IQCH: variants seen among roughly 807,000 people sequenced by gnomAD.
IQCH encodes IQ motif containing H, also known as IQ domain-containing protein H.
In IQCH, 98 loss-of-function variants were observed where a neutral mutation model predicts 117.0. The ratio of observed to expected loss-of-function variants is 0.84; its 90% CI spans 0.71 to 0.99. The LOEUF (loss-of-function observed/expected upper bound fraction) is 0.99. Ranked by LOEUF, IQCH falls within the 50% of genes least tolerant of loss-of-function variation. The pLI is 0.00. For missense variants in IQCH, 1,102 were observed against 1,243.8 expected (o/e 0.89, Z 1.72); for synonymous variants, 412 against 448.2 (o/e 0.92, Z 1.02).
intron 4 of IQCH, among the ~76,000 whole-genome samples, chr15:67,293,791 C>T (rs1052107232): frequency 6.6e-6 from 1 of 152,002 alleles, no homozygotes; most frequent in Non-Finnish European, 1.5e-5. Context: ...CATGTGCCTC[C>T]TTGGAGGAAA....
Position 67,493,387 on chromosome 15 carries a change from A to G in IQCH, c.2862-871A>G, listed in dbSNP as rs182474432. ...GTGACCACCTTATATAGGGAGCCCT[A>G]TAATGCTACAGGATAGTTTGCAAGC... On this transcript the variant is annotated intron_variant, in intron 19 of 20. Transcript: ENST00000335894. The surrounding 1 kb of genome is among the most constrained non-coding windows in gnomAD (Gnocchi z 5.1). Among the ~76,000 whole-genome samples the G allele has an allele frequency of 3.7e-4, 56 of 152,314 alleles. No individual in the cohort carries two copies. The highest frequency in any genetic ancestry group is 1.3e-3 in the African/African-American group (55 of 41,594).
At chr15:67,291,717 T>TA (rs1966757431) in intron 4 of IQCH, among the ~76,000 whole-genome samples, 1 of 152,182 alleles carries the variant, frequency 6.6e-6, no homozygotes, top group Non-Finnish European at 1.5e-5. Flanking sequence ...GTTATACCTC[T>TA]ATCAGGGTAA....
chr15:67,465,616 C>T lies in IQCH; in HGVS notation c.2676+319C>T, dbSNP rs2082911699. Among the ~76,000 whole-genome samples, 1 of 152,102 alleles carries T rather than the reference C, an allele frequency of 6.6e-6. No individual in the cohort carries two copies. Among genetic ancestry groups the T allele is most frequent in the African/African-American group, 2.4e-5 (1 of 41,408 alleles). On this transcript the variant is annotated intron_variant, in intron 17 of 20. Coordinates refer to ENST00000335894, the MANE Select transcript of IQCH (RefSeq NM_001031715.3). This position sits in a 1 kb window ranked among gnomAD's most constrained non-coding sequence, Gnocchi z 5.9. ...ACACAAAACCCATATTTTTCTAGCC[C>T]CACTCTCTTTTGTGAGCTTCAGATT...
intron 1 of IQCH, among the ~76,000 whole-genome samples, chr15:67,255,516 C>T (rs1242577549): frequency 6.6e-6 from 1 of 152,342 alleles, no homozygotes; most frequent in East Asian, 1.9e-4. Context: ...AAAGTCTTGT[C>T]CAATACAGCT....
chr15:67,294,748 C>T (rs1966842723), intron 4 of IQCH, among the ~76,000 whole-genome samples: 1 of 152,204 alleles, frequency 6.6e-6, no homozygotes, highest in South Asian at 2.1e-4. Flanking sequence ...AATTGACTAC[C>T]TCTGCCATGT....
At chr15:67,303,816 A>G (rs12594234) in intron 4 of IQCH, among the ~76,000 whole-genome samples, 31,868 of 152,120 alleles carry the variant, frequency 0.21, 4,068 homozygotes, top group East Asian at 0.47. Context: ...TTTTCTAATG[A>G]AAGCATAAAT....
At chr15:67,464,818 C>T (rs764549906) in intron 16 of IQCH, among the ~76,000 whole-genome samples, 1 of 152,226 alleles carries the variant, frequency 6.6e-6, no homozygotes, top group Non-Finnish European at 1.5e-5. Flanking sequence ...ACCACCTGCA[C>T]TGACCTGCAG....
chr15:67,495,744 T>C (rs1427103691), intron 20 of IQCH, among the ~76,000 whole-genome samples: 1 of 152,266 alleles, frequency 6.6e-6, no homozygotes, highest in Admixed American at 6.5e-5. Flanking sequence ...TCTCTGACTT[T>C]CAAAATCATA....
At chr15:67,265,282 A>G (rs1384161446) in intron 3 of IQCH, among the ~76,000 whole-genome samples, 1 of 152,242 alleles carries the variant, frequency 6.6e-6, no homozygotes. Flanking sequence ...TCTTTTGCCA[A>G]GGAGTGCCTT....
chr15:67,482,922 C>G (rs1478887037), intron 18 of IQCH, among the ~76,000 whole-genome samples: 1 of 152,090 alleles, frequency 6.6e-6, no homozygotes, highest in Non-Finnish European at 1.5e-5. Context: ...CTTTGGTGAG[C>G]TGCCTAAGGG....
At chr15:67,307,001 G>GT (rs1967330688) in intron 4 of IQCH, 1 of 1,346,254 alleles carries the variant, frequency 7.4e-7, no homozygotes, top group African/African-American at 1.5e-5. Context: ...CTTGAAACAT[G>GT]TATCTGTTAA....
intron 3 of IQCH, among the ~76,000 whole-genome samples, chr15:67,275,031 A>G (rs1390486784): frequency 6.6e-6 from 1 of 152,158 alleles, no homozygotes; most frequent in Non-Finnish European, 1.5e-5. Context: ...TTTCTACAGC[A>G]TGGTACTGCC....
In IQCH at chr15:67,339,380, C is replaced by A. The variant is rs189874348; in HGVS notation, c.508+2285C>A. 2.6e-3 allele frequency among the ~76,000 whole-genome samples: 398 copies of A among 152,138 alleles called. 1 individual carries two copies. Among genetic ancestry groups the A allele is most frequent in the Non-Finnish European group, 4.5e-3 (305 of 67,982 alleles). ...TTTATTTAATTCATCAGTTAACAACCAGTTCAAAAGAAAATCCAAAGAATG... is the reference window on the plus strand; with the variant it reads ...TTTATTTAATTCATCAGTTAACAACAAGTTCAAAAGAAAATCCAAAGAATG... On this transcript the variant is annotated intron_variant, in intron 5 of 20. Coordinates refer to ENST00000335894, the MANE Select transcript of IQCH (RefSeq NM_001031715.3).
In IQCH at chr15:67,459,321, T is replaced by C. The variant is rs1394190736; in HGVS notation, c.2506-5806T>C. On this transcript the variant is annotated intron_variant, in intron 16 of 20. Transcript: ENST00000335894. The surrounding 1 kb of genome is among the most constrained non-coding windows in gnomAD (Gnocchi z 4.2). ...GTTATTTGATCTATAAATTAGTCTCTGAGTCCCATACGTGCCCTGATGCCC... is the reference window on the plus strand; with the variant it reads ...GTTATTTGATCTATAAATTAGTCTCCGAGTCCCATACGTGCCCTGATGCCC... Among the ~76,000 whole-genome samples the C allele has an allele frequency of 6.6e-6, 1 of 152,234 alleles. No homozygotes were observed. The highest frequency in any genetic ancestry group is 6.5e-5 in the Admixed American group (1 of 15,290).
chr15:67,399,619 T>C (rs1430248737), intron 13 of IQCH, among the ~76,000 whole-genome samples: 1 of 152,222 alleles, frequency 6.6e-6, no homozygotes, highest in Middle Eastern at 3.2e-3. Flanking sequence ...CAAATGTATT[T>C]CATGTACATT....
Position 67,405,390 on chromosome 15 carries a change from GTCA to G in IQCH, c.2097+5122_2097+5124del, listed in dbSNP as rs59177913. ...TGTTGACATTTCCTTGTATTTCTTT[GTCA>G]TCATCATCATCATCATCATCATCAT... On this transcript the variant is annotated intron_variant, in intron 14 of 20. Transcript: ENST00000335894. This position sits in a 1 kb window ranked among gnomAD's most constrained non-coding sequence, Gnocchi z 4.8. 13,374 of 154,298 alleles carry G rather than the reference GTCA, an allele frequency of 0.087. 635 individuals are homozygous for G. The highest frequency in any genetic ancestry group is 0.16 in the East Asian group (865 of 5,400). The allele number at this position is 154,298 out of a possible 1,614,324, so 9.6% of individuals were successfully genotyped here.
At chr15:67,336,938 C>CA in intron 4 of IQCH, 37 bp from the exon 5 acceptor site, 1 of 1,608,272 alleles carries the variant, frequency 6.2e-7, no homozygotes, top group African/African-American at 1.3e-5. Flanking sequence ...ACTGTGAAGG[C>CA]AAAAATGTTT....
intron 3 of IQCH, among the ~76,000 whole-genome samples, chr15:67,269,164 A>G (rs8039972): frequency 0.99 from 151,408 of 152,300 alleles, 75,272 homozygotes; most frequent in Non-Finnish European, 1. Flanking sequence ...AAACAAAAAT[A>G]TCTCATCTTA....
At chr15:67,275,961 T>C (rs1966105039) in intron 3 of IQCH, among the ~76,000 whole-genome samples, 1 of 152,246 alleles carries the variant, frequency 6.6e-6, no homozygotes, top group Non-Finnish European at 1.5e-5. Flanking sequence ...CATTAATGTC[T>C]GTATAAGTAT....
Sources: allele counts gnomAD v4.1 joint callset (sites outside exome capture counted in the v4.1 genomes callset), GRCh38; gene constraint gnomAD v4.1.1; non-coding constraint Gnocchi (gnomAD v3.1); transcripts MANE v1.5; gene names NCBI Gene and HGNC (gene_info 2026-07-23, HGNC 2026-07-21).